NR6A1: variants seen among roughly 807,000 people sequenced by gnomAD.
NR6A1 encodes retinoic acid receptor-related testis-associated receptor.
NR6A1 carries 7 observed loss-of-function variants against 59.1 expected under a neutral mutation model. The observed-to-expected ratio is 0.12, with a 90% confidence interval of 0.07 to 0.22. The LOEUF (loss-of-function observed/expected upper bound fraction) is 0.22, where lower values mean the gene tolerates loss of function less well. NR6A1 is among the 10% of genes least tolerant of loss of function. The pLI, the probability that NR6A1 is intolerant of heterozygous loss-of-function variation, is 1.00. For missense variants in NR6A1, 468 were observed against 611.6 expected (o/e 0.77, Z 2.48); for synonymous variants, 243 against 236.1 (o/e 1.03, Z -0.27).
At chr9:124,734,864 A>T (rs1019171998) in intron 1 of NR6A1, among the ~76,000 whole-genome samples, 1 of 152,030 alleles carries the variant, frequency 6.6e-6, no homozygotes, top group African/African-American at 2.4e-5. Context: ...TTTGTTTGAT[A>T]CGGAGTTTTG....
At chr9:124,548,880 C>T (rs74739358) in intron 3 of NR6A1, among the ~76,000 whole-genome samples, 2,365 of 152,286 alleles carry the variant, frequency 0.016, 49 homozygotes, top group African/African-American at 0.053. Flanking sequence ...ACTGTATCCT[C>T]ATTTCTCCTC....
intron 2 of NR6A1, among the ~76,000 whole-genome samples, chr9:124,715,593 C>A (rs1384511563): frequency 6.6e-6 from 1 of 151,936 alleles, no homozygotes; most frequent in African/African-American, 2.4e-5. Flanking sequence ...ATTAAGTTGA[C>A]CACTCTTCCC....
intron 1 of NR6A1, among the ~76,000 whole-genome samples, chr9:124,741,883 A>G (rs1234464537): frequency 2.6e-5 from 4 of 152,226 alleles, no homozygotes; most frequent in African/African-American, 9.7e-5. Context: ...GAGGTCAGTG[A>G]AAGTGCTCGG....
At chr9:124,588,754 C>T (rs1046706132) in intron 2 of NR6A1, among the ~76,000 whole-genome samples, 2 of 148,972 alleles carry the variant, frequency 1.3e-5, no homozygotes, top group African/African-American at 4.9e-5. Flanking sequence ...CCCGTCTCTA[C>T]TAAAAAATAC....
In NR6A1 at chr9:124,615,884, C is replaced by G. The variant is rs574639114; in HGVS notation, c.143-61314G>C. 6.0e-4 allele frequency among the ~76,000 whole-genome samples: 91 copies of G among 152,038 alleles called. 1 individual carries two copies. The South Asian group carries it at 0.018, about 31-fold the overall frequency. On this transcript the variant is annotated intron_variant, in intron 2 of 9. Coordinates refer to ENST00000487099, the MANE Select transcript of NR6A1 (RefSeq NM_033334.4). ...GAGTCTCGCTCTGTAGCCCAGGCTG[C>G]AGTGCAGTGGCACAATCTCCGCTCA...
At chr9:124,676,864 A>G (rs1837979773) in intron 2 of NR6A1, among the ~76,000 whole-genome samples, 1 of 152,236 alleles carries the variant, frequency 6.6e-6, no homozygotes, top group Non-Finnish European at 1.5e-5. Context: ...CTTATGAACG[A>G]TAGAACCTTT....
chr9:124,550,056 A>G (rs1431772478), intron 3 of NR6A1, among the ~76,000 whole-genome samples: 1 of 151,962 alleles, frequency 6.6e-6, no homozygotes, highest in East Asian at 1.9e-4. Flanking sequence ...GTCCCTCAAT[A>G]TGGGCTTGTT....
intron 2 of NR6A1, among the ~76,000 whole-genome samples, chr9:124,584,405 C>A (rs772539473): frequency 6.6e-6 from 1 of 151,980 alleles, no homozygotes; most frequent in Admixed American, 6.6e-5. Context: ...CGCCCAGCCA[C>A]TTTATTGCAT....
chr9:124,561,108 T>C (rs560284626), intron 2 of NR6A1, among the ~76,000 whole-genome samples: 1 of 151,946 alleles, frequency 6.6e-6, no homozygotes, highest in Non-Finnish European at 1.5e-5. Context: ...GTGGATATTA[T>C]ATTATATTAA....
chr9:124,557,391 C>T (rs1833961644), intron 2 of NR6A1, among the ~76,000 whole-genome samples: 2 of 152,148 alleles, frequency 1.3e-5, no homozygotes, highest in Admixed American at 1.3e-4. Context: ...CCTCGGCCTC[C>T]CAAAGTTCTG....
At chr9:124,662,632 C>T (rs756241708) in intron 2 of NR6A1, among the ~76,000 whole-genome samples, 10 of 152,124 alleles carry the variant, frequency 6.6e-5, no homozygotes, top group Non-Finnish European at 1.0e-4. Context: ...CAAGGCAAGC[C>T]TTCATAAACA....
intron 4 of NR6A1, among the ~76,000 whole-genome samples, chr9:124,541,484 C>A (rs979179469): frequency 8.5e-5 from 13 of 152,154 alleles, no homozygotes; most frequent in South Asian, 6.2e-4. Flanking sequence ...AACAAAAAAA[C>A]CCCAAAACAA....
intron 9 of NR6A1, among the ~76,000 whole-genome samples, 163 bp downstream of exon 9, chr9:124,524,554 TGCAA>T (rs1832878534): frequency 6.6e-6 from 1 of 152,180 alleles, no homozygotes; most frequent in African/African-American, 2.4e-5. Context: ...CTATGGAGAA[TGCAA>T]GCTTCTCATT....
At chr9:124,757,004 C>T (rs1057283247) in intron 1 of NR6A1, among the ~76,000 whole-genome samples, 4 of 142,024 alleles carry the variant, frequency 2.8e-5, no homozygotes, top group Admixed American at 7.0e-5. Flanking sequence ...AAAAAAAGGG[C>T]GGGTAGGGGG....
chr9:124,554,817 T>C (rs1332640992), intron 2 of NR6A1, among the ~76,000 whole-genome samples: 1 of 152,200 alleles, frequency 6.6e-6, no homozygotes, highest in Non-Finnish European at 1.5e-5. Flanking sequence ...TATCTAAGAC[T>C]GAAACCTAGA....
At chr9:124,595,787 GA>G in intron 2 of NR6A1, 1 of 1,289,610 alleles carries the variant, frequency 7.8e-7, no homozygotes, top group Non-Finnish European at 1.0e-6. Context: ...GTAGTCTGCT[GA>G]AAAGTTCTAT....
chr9:124,686,332 C>G (rs1447100515), intron 2 of NR6A1, among the ~76,000 whole-genome samples: 1 of 152,154 alleles, frequency 6.6e-6, no homozygotes, highest in Non-Finnish European at 1.5e-5. Flanking sequence ...CTGGTTGTTG[C>G]AAAACACACG....
At chr9:124,595,601 A>G (rs1835249646) in intron 2 of NR6A1, 8 of 395,240 alleles carry the variant, frequency 2.0e-5, no homozygotes, top group South Asian at 1.5e-4. Context: ...CACTTGCTAC[A>G]TACATGAAAA....
chr9:124,655,474 A>C (rs190675791), intron 2 of NR6A1, among the ~76,000 whole-genome samples: 1 of 152,290 alleles, frequency 6.6e-6, no homozygotes, highest in East Asian at 1.9e-4. Flanking sequence ...TTATTTACTA[A>C]TTCACATTTT....
Sources: gnomAD v4.1 joint callset for allele counts (sites outside exome capture counted in the v4.1 genomes callset) on GRCh38, gnomAD v4.1.1 for gene constraint, MANE v1.5 for transcripts, NCBI Gene and HGNC (gene_info 2026-07-23, HGNC 2026-07-21) for gene names.